Variants in PCDHA11 observed in about 807,000 individuals in gnomAD.
The protein encoded by PCDHA11 is protocadherin alpha 11, also known as protocadherin alpha-11.
In PCDHA11, 61 loss-of-function variants were observed where a neutral mutation model predicts 70.3. That is an observed-to-expected ratio of 0.87 (90% confidence interval 0.71 to 1.07). The LOEUF (loss-of-function observed/expected upper bound fraction) is 1.07. Ranked by LOEUF, PCDHA11 falls within the 50% of genes least tolerant of loss-of-function variation. The probability of loss-of-function intolerance (pLI) is 0.00; values close to 1 mark genes in which losing one functional copy is unlikely to be tolerated. For missense variants in PCDHA11, 1,324 were observed against 1,237.5 expected, an observed-to-expected ratio of 1.07 and a Z score of -1.05; for synonymous variants, 633 against 555.1, an observed-to-expected ratio of 1.14 and a Z score of -1.97.
At chr5:141,009,173 G>A (rs1486905042) in intron 3 of PCDHA11, among the ~76,000 whole-genome samples, 3 of 152,204 alleles carry the variant, frequency 2.0e-5, no homozygotes, top group African/African-American at 7.2e-5. Flanking sequence ...TACTGGCCTT[G>A]GCTGGGTGTG....
At chr5:140,876,086 C>G (rs371336139) in intron 1 of PCDHA11, 7 of 1,613,778 alleles carry the variant, frequency 4.3e-6, no homozygotes, top group Non-Finnish European at 1.7e-6. Flanking sequence ...AGAGAGCAAA[C>G]GCCAAAACTC....
chr5:140,998,746 A>C (rs1473770059), intron 3 of PCDHA11, among the ~76,000 whole-genome samples: 2 of 151,954 alleles, frequency 1.3e-5, no homozygotes, highest in Non-Finnish European at 2.9e-5. Context: ...GTATTTTTAG[A>C]AGAGACACAG....
intron 1 of PCDHA11, among the ~76,000 whole-genome samples, chr5:140,903,136 A>C (rs1554190778): frequency 6.6e-6 from 1 of 152,212 alleles, no homozygotes; most frequent in Non-Finnish European, 1.5e-5. Flanking sequence ...AGAAATCTCC[A>C]AACTGTTTTC....
At chr5:140,877,205 GCGAGTTGGTACCGCGGT>G in intron 1 of PCDHA11, 1 of 1,613,826 alleles carries the variant, frequency 6.2e-7, no homozygotes, top group Non-Finnish European at 8.5e-7. Flanking sequence ...GGCGCAGTTA[GCGAGTTGGTACCGCGGT>G]CGGTGGGTGC....
At chr5:140,912,897 G>GT (rs1364534308) in intron 1 of PCDHA11, among the ~76,000 whole-genome samples, 12 of 152,290 alleles carry the variant, frequency 7.9e-5, no homozygotes, top group Admixed American at 3.3e-4. Context: ...TTGATATGAT[G>GT]TATCATATTG....
chr5:140,960,727 CA>C (rs2095565377), intron 1 of PCDHA11, among the ~76,000 whole-genome samples: 3 of 30,176 alleles, frequency 9.9e-5, no homozygotes, highest in Non-Finnish European at 1.9e-4. Context: ...TATTTTAGTC[CA>C]TGATTTTAGT....
intron 1 of PCDHA11, among the ~76,000 whole-genome samples, chr5:140,909,441 C>T (rs971678951): frequency 6.6e-6 from 1 of 152,214 alleles, no homozygotes; most frequent in Non-Finnish European, 1.5e-5. Context: ...AATCCACTGT[C>T]ATTCTCCAAG....
At chr5:140,877,260 G>C (rs1329010026) in intron 1 of PCDHA11, 3 of 1,613,652 alleles carry the variant, frequency 1.9e-6, no homozygotes, top group Non-Finnish European at 2.5e-6. Flanking sequence ...AAGTGCGCGC[G>C]GTGGACGCTG....
At chr5:141,008,985 A>G (rs566679512) in intron 3 of PCDHA11, among the ~76,000 whole-genome samples, 2 of 152,240 alleles carry the variant, frequency 1.3e-5, no homozygotes, top group South Asian at 4.1e-4. Context: ...AGTTTAATCT[A>G]GACACTAAAA....
chr5:140,980,949 A>G (rs1187381167), intron 2 of PCDHA11, among the ~76,000 whole-genome samples: 1 of 152,182 alleles, frequency 6.6e-6, no homozygotes, highest in East Asian at 1.9e-4. Context: ...TGGCTCCAGG[A>G]TAGTTACACC....
chr5:140,923,804 A>G (rs782008903), intron 1 of PCDHA11, among the ~76,000 whole-genome samples: 30 of 152,222 alleles, frequency 2.0e-4, no homozygotes, highest in Admixed American at 3.9e-4. Flanking sequence ...CACAAATGAA[A>G]TCTTCTGAAA....
intron 1 of PCDHA11, chr5:140,969,174 G>A (rs777458792): frequency 6.2e-7 from 1 of 1,614,076 alleles, no homozygotes; most frequent in South Asian, 1.1e-5. Flanking sequence ...GGCTCAGGGA[G>A]TGACACTTTC....
At chr5:140,967,025 C>G (rs2153750258) in intron 1 of PCDHA11, 1 of 1,608,362 alleles carries the variant, frequency 6.2e-7, no homozygotes, top group Middle Eastern at 1.7e-4. Flanking sequence ...TGCGCCCAGT[C>G]CGCGCTACCT....
chr5:141,007,935 C>G (rs2098352677), intron 3 of PCDHA11, among the ~76,000 whole-genome samples: 1 of 152,176 alleles, frequency 6.6e-6, no homozygotes, highest in African/African-American at 2.4e-5. Flanking sequence ...GAATTCTAAG[C>G]CACCTTTTTG....
rs782131708 is a variant in PCDHA11, at chr5:140,869,055, G to A, written c.-49G>A. The A allele has an allele frequency of 1.9e-6, 3 of 1,547,114 alleles. No homozygotes were observed. In the South Asian group the frequency reaches 3.8e-5, roughly 20 times the overall value. ...TTTTTAACCTGAAACTGAAGAATCTGGTACTGTAAGTGTAAAGAAGCTTAT... is the reference window on the plus strand; with the variant it reads ...TTTTTAACCTGAAACTGAAGAATCTAGTACTGTAAGTGTAAAGAAGCTTAT... On this transcript the variant is annotated 5_prime_UTR_variant, in exon 1 of 4. Coordinates refer to ENST00000398640, the MANE Select transcript of PCDHA11 (RefSeq NM_018902.5).
At chr5:140,881,321 T>C (rs1396829121) in intron 1 of PCDHA11, 1 of 983,920 alleles carries the variant, frequency 1.0e-6, no homozygotes, top group Non-Finnish European at 1.2e-6. Context: ...TTAAATTCTA[T>C]TTAACCAGGA....
At chr5:140,916,929 G>A (rs2077785456) in intron 1 of PCDHA11, among the ~76,000 whole-genome samples, 1 of 152,214 alleles carries the variant, frequency 6.6e-6, no homozygotes, top group African/African-American at 2.4e-5. Context: ...GAGCACTTAA[G>A]CATATAGTGG....
At chr5:140,915,690 T>G (rs1330039439) in intron 1 of PCDHA11, among the ~76,000 whole-genome samples, 1 of 151,558 alleles carries the variant, frequency 6.6e-6, no homozygotes, top group African/African-American at 2.4e-5. Context: ...AGGGGTATGG[T>G]GATGCAAGCA....
At chr5:140,950,458 A>G (rs568340492) in intron 1 of PCDHA11, among the ~76,000 whole-genome samples, 5 of 152,142 alleles carry the variant, frequency 3.3e-5, no homozygotes, top group Admixed American at 2.6e-4. Flanking sequence ...CTGTCTTCTA[A>G]TGCTCATAGT....
Sources: gnomAD v4.1 joint callset for allele counts (sites outside exome capture counted in the v4.1 genomes callset) on GRCh38, gnomAD v4.1.1 for gene constraint, MANE v1.5 for transcripts, NCBI Gene and HGNC (gene_info 2026-07-23, HGNC 2026-07-21) for gene names.